The following RANBP2 variants were observed in gnomAD, a reference collection of about 807,000 sequenced individuals.
The protein encoded by RANBP2 is RAN binding protein 2.
Under a neutral mutation model 303.6 loss-of-function variants are expected in RANBP2, and 57 were observed. The ratio of observed to expected loss-of-function variants is 0.19; its 90% CI spans 0.15 to 0.23. The LOEUF (loss-of-function observed/expected upper bound fraction) is 0.23, where lower values mean the gene tolerates loss of function less well. RANBP2 is among the 10% of genes least tolerant of loss of function. The pLI is 1.00. For missense variants in RANBP2, 3,138 were observed against 3,780.8 expected (o/e 0.83, Z 4.46); for synonymous variants, 1,167 against 1,301.5 (o/e 0.90, Z 2.23).
chr2:109,702,420 C>T, the RANBP2 span, among the ~76,000 whole-genome samples: 1 of 152,214 alleles, frequency 6.6e-6, no homozygotes, highest in Non-Finnish European at 1.5e-5. Flanking sequence ...ATTCGTACAT[C>T]TTCTGTCCAA....
chr2:108,932,215 G>A, the RANBP2 span, among the ~76,000 whole-genome samples: 1 of 152,184 alleles, frequency 6.6e-6, no homozygotes, highest in African/African-American at 2.4e-5. Context: ...AGAAATTAGC[G>A]AAAGATTATT....
the RANBP2 span, among the ~76,000 whole-genome samples, chr2:109,498,893 C>T: frequency 6.6e-6 from 1 of 152,170 alleles, no homozygotes. Context: ...GAGGGAGCAG[C>T]ATATGGAGGA....
chr2:109,405,735 C>T, the RANBP2 span, among the ~76,000 whole-genome samples: 1 of 152,212 alleles, frequency 6.6e-6, no homozygotes, highest in Non-Finnish European at 1.5e-5. Context: ...TCAATTCCCC[C>T]ACTGTCTCTT....
chr2:109,363,354 A>G, the RANBP2 span, among the ~76,000 whole-genome samples: 3 of 152,260 alleles, frequency 2.0e-5, no homozygotes, highest in Admixed American at 6.5e-5. Flanking sequence ...TAACAAAATA[A>G]TACTTATTTC....
At chr2:109,249,509 C>CTTTCTT in the RANBP2 span, among the ~76,000 whole-genome samples, 3 of 66,394 alleles carry the variant, frequency 4.5e-5, 1 homozygote, top group South Asian at 1.6e-3. Context: ...TTCTTTCTTT[C>CTTTCTT]ATTCTTTCTT....
chr2:109,331,380 C>T, the RANBP2 span, among the ~76,000 whole-genome samples: 97 of 152,200 alleles, frequency 6.4e-4, no homozygotes, highest in Middle Eastern at 3.4e-3. Flanking sequence ...CTCTCTCTCC[C>T]CTTGTTTTGC....
At chr2:109,509,458 G>A in the RANBP2 span, among the ~76,000 whole-genome samples, 9 of 152,046 alleles carry the variant, frequency 5.9e-5, no homozygotes, top group South Asian at 2.1e-4. Context: ...CTCTCTCCTC[G>A]GCTTGCACAC....
At chr2:109,764,626 C>G in the RANBP2 span, among the ~76,000 whole-genome samples, 8 of 148,296 alleles carry the variant, frequency 5.4e-5, no homozygotes, top group African/African-American at 1.7e-4. Context: ...GAAAAGAGAC[C>G]ATATTTGGGA....
At chr2:109,562,375 C>A in the RANBP2 span, among the ~76,000 whole-genome samples, 6 of 151,888 alleles carry the variant, frequency 4.0e-5, no homozygotes, top group South Asian at 1.3e-3. Context: ...CACCTGCCCC[C>A]CTCCCCCAAC....
chr2:109,245,619 TA>T, the RANBP2 span, among the ~76,000 whole-genome samples: 688 of 152,370 alleles, frequency 4.5e-3, 1 homozygote, highest in Admixed American at 1.0e-2. Context: ...AGTCTATATA[TA>T]AAATAACTTT....
the RANBP2 span, among the ~76,000 whole-genome samples, chr2:109,161,515 C>T: frequency 2.6e-5 from 4 of 151,654 alleles, no homozygotes; most frequent in East Asian, 7.7e-4. Flanking sequence ...GCGATGTTTC[C>T]TGGGGAGGGG....
At chr2:108,813,273 G>C in the RANBP2 span, among the ~76,000 whole-genome samples, 2 of 87,862 alleles carry the variant, frequency 2.3e-5, no homozygotes, top group Admixed American at 2.5e-4. Context: ...AAAAAAAAAA[G>C]AAAATTTCTC....
At chr2:109,284,654 A>T in the RANBP2 span, among the ~76,000 whole-genome samples, 4 of 152,294 alleles carry the variant, frequency 2.6e-5, no homozygotes, top group Admixed American at 6.5e-5. Flanking sequence ...CATGGGTTAG[A>T]CCATGTTTTT....
the RANBP2 span, chr2:109,432,422 A>G: frequency 1.9e-6 from 3 of 1,558,178 alleles, no homozygotes; most frequent in African/African-American, 1.4e-5. Context: ...TCCAAAGACA[A>G]CCTCCCCCCA....
the RANBP2 span, among the ~76,000 whole-genome samples, chr2:109,277,362 A>G: frequency 1.3e-5 from 2 of 152,130 alleles, no homozygotes; most frequent in Non-Finnish European, 2.9e-5. Context: ...CATTTCATTT[A>G]CTGCTCTTTA....
the RANBP2 span, chr2:108,805,042 A>G: frequency 1.7e-6 from 2 of 1,156,210 alleles, no homozygotes; most frequent in African/African-American, 1.6e-5. Context: ...TGAACATAAG[A>G]CATTCTAAGA....
the RANBP2 span, among the ~76,000 whole-genome samples, chr2:108,971,104 G>A: frequency 6.6e-6 from 1 of 152,124 alleles, no homozygotes; most frequent in African/African-American, 2.4e-5. Context: ...CACCCCCTCC[G>A]ACTCAGTCCT....
the RANBP2 span, among the ~76,000 whole-genome samples, chr2:109,721,411 C>T: frequency 5.3e-5 from 8 of 152,156 alleles, no homozygotes; most frequent in Admixed American, 1.3e-4. Context: ...TGCAGAAACA[C>T]GCTGGGCATG....
At chr2:109,599,221 G>GTTACC in the RANBP2 span, among the ~76,000 whole-genome samples, 22 of 152,252 alleles carry the variant, frequency 1.4e-4, no homozygotes, top group Middle Eastern at 6.8e-3. Context: ...ACTCTGGGAG[G>GTTACC]CCAAGACCGG....
Sources: gnomAD v4.1 joint callset for allele counts (sites outside exome capture counted in the v4.1 genomes callset) on GRCh38, gnomAD v4.1.1 for gene constraint, MANE v1.5 for transcripts, NCBI Gene and HGNC (gene_info 2026-07-23, HGNC 2026-07-21) for gene names.